The following PDIA2 variants were observed in gnomAD, a reference collection of about 807,000 sequenced individuals.
PDIA2 encodes the protein protein disulfide isomerase family A member 2, also known as protein disulfide-isomerase A2.
In PDIA2, 76 loss-of-function variants were observed where a neutral mutation model predicts 51.1. The ratio of observed to expected loss-of-function variants is 1.49; its 90% CI spans 1.24 to 1.80. The LOEUF (loss-of-function observed/expected upper bound fraction) is 1.80, where lower values mean the gene tolerates loss of function less well. Among genes scored for constraint, PDIA2 ranks in the 40% most tolerant of loss-of-function variants. The pLI, the probability that PDIA2 is intolerant of heterozygous loss-of-function variation, is 0.00. For synonymous variants in PDIA2, 429 were observed against 309.9 expected (o/e 1.38, Z -4.04); for missense variants, 946 against 706.5 (o/e 1.34, Z -3.84).
rs199805826 is a variant in PDIA2, at chr16:283,338, C to T, written c.169C>T (p.Arg57Trp). Residue 57 changes from arginine (R) to tryptophan (W), a missense_variant, in exon 1 of 11, where the codon CGG (arginine) becomes TGG (tryptophan). Physicochemically the swap from Arg to Trp is moderately radical, Grantham distance 101. Transcript: ENST00000219406. ...CCGCCACACCCTGGGCCTGGCCCTG[C>T]GGGAGCACCCTGCCCTGCTGGTGGA... ...LSRHTLGLAL[R>W]EHPALLVEFY... is the part of the protein sequence containing the mutation. 4.8e-5 allele frequency: 77 copies of T among 1,606,924 alleles called. No individual in the cohort carries two copies. Among genetic ancestry groups the T allele is most frequent in the East Asian group, 2.7e-4 (12 of 44,592 alleles).
rs552155391 is a variant in PDIA2, at chr16:283,498, C to G, written c.199+130C>G. ...GCCTCCCCGCAGGCACTTGCCCCCA[C>G]TGTGCCCAGGAGCTCTCTAGGAGGG... On this transcript the variant is annotated intron_variant, in intron 1 of 10. Coordinates refer to ENST00000219406, the MANE Select transcript of PDIA2 (RefSeq NM_006849.4). The G allele has an allele frequency of 6.9e-6, 7 of 1,019,926 alleles. No homozygotes were observed. In the African/African-American group the frequency reaches 9.9e-5, roughly 14 times the overall value. The allele number at this position is 1,019,926 out of a possible 1,614,324, so 63.2% of individuals were successfully genotyped here. A position where few individuals can be genotyped will look rare whatever the true frequency, so the allele number is the denominator to read the frequency against.
intron 8 of PDIA2, 32 bp from the exon 9 acceptor site, chr16:286,522 C>G (rs1204673849): frequency 8.1e-6 from 13 of 1,612,310 alleles, no homozygotes; most frequent in Non-Finnish European, 1.1e-5. Flanking sequence ...AGGGGCTGCC[C>G]AGATGGCTGT....
rs2052387025 is a variant in PDIA2, at chr16:286,713, TC to T, written c.1403del (p.Pro468GlnfsTer8). The stretch of plus-strand genomic sequence containing the variant: ...CACGGCTTCCCTACTCTCAAGTACT[TC>T]CCAGCAGGGCCAGGTCGGAAGGTAT... Reference protein sequence around the residue: ...AVHGFPTLKYFPAGPGRKVIE... With the variant: ...AVHGFPTLKYXPAGPGRKVIE... On this transcript the variant is annotated frameshift_variant, in exon 9 of 11. Transcript: ENST00000219406. LOFTEE classifies it high-confidence loss of function. 4 of 1,612,800 alleles carry T rather than the reference TC, an allele frequency of 2.5e-6. No individual in the cohort carries two copies. The highest frequency in any genetic ancestry group is 3.4e-6 in the Non-Finnish European group (4 of 1,179,966).
At position 285,129 on chromosome 16, in the gene PDIA2, C is replaced by G. The variant is rs2052336916; in HGVS notation, c.724C>G (p.Leu242Val). ...CTTCCCCGTGGACGAGGAGCTTGGC[C>G]TGGACCTGGGGGATCTGTCGCGCTT... ...ADFPVDEELG[L>V]DLGDLSRFLV... Residue 242 changes from leucine (L) to valine (V), a missense_variant, in exon 5 of 11, where the codon CTG becomes GTG. Transcript: ENST00000219406. 6.2e-7 allele frequency: 1 copy of G among 1,612,838 alleles called. No individual in the cohort carries two copies. The highest frequency in any genetic ancestry group is 1.3e-5 in the African/African-American group (1 of 75,036).
intron 1 of PDIA2, 74 bp from the exon 2 acceptor site, chr16:284,313 G>C (rs1366623544): frequency 7.1e-7 from 1 of 1,406,306 alleles, no homozygotes; most frequent in African/African-American, 1.4e-5. Context: ...CTTGTTCCCT[G>C]CTGGGTTGTC....
chr16:285,405 T>C lies in PDIA2; in HGVS notation c.889T>C (p.Phe297Leu). The C allele has an allele frequency of 6.2e-7, 1 of 1,611,908 alleles. No individual in the cohort carries two copies. Among genetic ancestry groups the C allele is most frequent in the Non-Finnish European group, 8.5e-7 (1 of 1,179,604 alleles). Residue 297 changes from phenylalanine (F) to leucine (L), a missense_variant, in exon 6 of 11, where the codon TTT becomes CTT. Transcript: ENST00000219406. ...TGCGCACCGGGAGCTCCTAGCGGGC[T>C]TTGGGGAGGCAGCTCCCCGCTTCCG... ...LAAHRELLAG[F>L]GEAAPRFRGQ...
chr16:285,542 G>A lies in PDIA2; in HGVS notation c.958G>A (p.Glu320Lys). The change falls in exon 7 of 11, where the codon GAG becomes AAG. Residue 320 changes from glutamate (E) to lysine (K), a missense_variant. Coordinates refer to ENST00000219406, the MANE Select transcript of PDIA2 (RefSeq NM_006849.4). ...GGTGGTGGACGTGGCGGCCGACAATGAGCACGTGCTGCAGTACTTTGGACT... is the reference window on the plus strand; with the variant it reads ...GGTGGTGGACGTGGCGGCCGACAATAAGCACGTGCTGCAGTACTTTGGACT... ...FVVVDVAADN[E>K]HVLQYFGLKA... 1 of 1,613,016 alleles carries A rather than the reference G, an allele frequency of 6.2e-7. No individual in the cohort carries two copies. The highest frequency in any genetic ancestry group is 8.5e-7 in the Non-Finnish European group (1 of 1,179,948).
rs749811763 is a variant in PDIA2, at chr16:287,148, C to T, written c.*35C>T. ...TGTCACCCCCGCCATCACTGCTGGA[C>T]AGGAGCCACCCCCTTGGGTACCAGA... On this transcript the variant is annotated 3_prime_UTR_variant, in exon 11 of 11. Transcript: ENST00000219406. 8.7e-6 allele frequency: 14 copies of T among 1,611,530 alleles called. No homozygotes were observed. Among genetic ancestry groups the T allele is most frequent in the Admixed American group, 5.0e-5 (3 of 59,960 alleles).
chr16:286,814 G>A (rs1313923798), intron 9 of PDIA2, 21 bp from the exon 10 acceptor site: 1 of 1,611,274 alleles, frequency 6.2e-7, no homozygotes, highest in Non-Finnish European at 8.5e-7. Context: ...GTGTCCTCCA[G>A]ATCCCCCTGC....
rs746140719 is a variant in PDIA2 at position 285,637 on chromosome 16, T to TG, written c.1058dup (p.Val355CysfsTer30). ...CCACTAAGAAGTATGCGCCTGTGGA[T>TG]GGGGGCCCTGTCACCGCAGCGTCCA... On this transcript the variant is annotated frameshift_variant, in exon 7 of 11. Coordinates refer to ENST00000219406, the MANE Select transcript of PDIA2 (RefSeq NM_006849.4). LOFTEE classifies it high-confidence loss of function. 2.5e-6 allele frequency: 4 copies of TG among 1,613,166 alleles called. No individual in the cohort carries two copies. Among genetic ancestry groups the TG allele is most frequent in the Admixed American group, 1.7e-5 (1 of 59,982 alleles).
intron 1 of PDIA2, 77 bp from the exon 2 acceptor site, chr16:284,310 C>T (rs1305492522): frequency 7.2e-7 from 1 of 1,392,326 alleles, no homozygotes; most frequent in Non-Finnish European, 9.8e-7. Context: ...ACGCTTGTTC[C>T]CTGCTGGGTT....
Position 283,448 on chromosome 16 carries a change from A to G in PDIA2, c.199+80A>G. The G allele has an allele frequency of 2.8e-6, 4 of 1,405,018 alleles. No homozygotes were observed. In the South Asian group the frequency reaches 5.8e-5, roughly 20 times the overall value. The allele number at this position is 1,405,018 out of a possible 1,614,324, so 87.0% of individuals were successfully genotyped here. A position where few individuals can be genotyped will look rare whatever the true frequency, so the allele number is the denominator to read the frequency against. ...CTGGGGGCCCCACCCTTTGCCGGCA[A>G]ATGCAGGGCATGTGCCCAAGAGGGG... is the stretch of plus-strand genomic sequence containing the variant. On this transcript the variant is annotated intron_variant, in intron 1 of 10. Transcript: ENST00000219406.
In PDIA2 at chr16:285,346, A is replaced by G. The variant is rs1280315747; in HGVS notation, c.830A>G (p.Asn277Ser). 1 of 1,611,240 alleles carries G rather than the reference A, an allele frequency of 6.2e-7. No individual in the cohort carries two copies. The highest frequency in any genetic ancestry group is 8.5e-7 in the Non-Finnish European group (1 of 1,179,370). Residue 277 changes from asparagine to serine, a missense_variant, in exon 6 of 11, where the codon AAC becomes AGC. Asn to Ser is a conservative substitution (Grantham distance 46, BLOSUM62 1). Transcript: ENST00000219406. ...AAGATCTTCGCGGCCAGGATCCTCA[A>G]CCACCTGCTGCTGTTTGTCAACCAG... Reference protein sequence around the residue: ...SAKIFAARILNHLLLFVNQTL... With the variant: ...SAKIFAARILSHLLLFVNQTL...
Position 283,219 on chromosome 16 carries a change from C to G in PDIA2, c.50C>G (p.Ser17Trp), listed in dbSNP as rs762917912. The G allele has an allele frequency of 6.2e-7, 1 of 1,607,608 alleles. No individual in the cohort carries two copies. The highest frequency in any genetic ancestry group is 1.3e-5 in the African/African-American group (1 of 74,782). The change falls in exon 1 of 11, where the codon TCG becomes TGG. Residue 17 changes from serine (S) to tryptophan (W), a missense_variant. Transcript: ENST00000219406. ...PVLLLLLLRA[S>W]CPWGQEQGAR... ...CTGCTGCTGCTGCTGCTCAGGGCTT[C>G]GTGCCCATGGGGTCAGGAACAGGGA...
Position 285,588 on chromosome 16 carries a change from C to T in PDIA2, c.1004C>T (p.Thr335Ile), listed in dbSNP as rs1434318867. Reference sequence around the variant, plus strand: ...GGACTCAAGGCTGAGGCAGCCCCCACTCTGCGCTTGGTCAACCTTGAAACC... The same window carrying T: ...GGACTCAAGGCTGAGGCAGCCCCCATTCTGCGCTTGGTCAACCTTGAAACC... The part of the protein sequence containing the change: ...YFGLKAEAAP[T>I]LRLVNLETTK... The change falls in exon 7 of 11, where the codon ACT becomes ATT. Residue 335 changes from threonine to isoleucine, a missense_variant. Coordinates refer to ENST00000219406, the MANE Select transcript of PDIA2 (RefSeq NM_006849.4). The T allele has an allele frequency of 1.2e-6, 2 of 1,613,280 alleles. No homozygotes were observed. The highest frequency in any genetic ancestry group is 2.2e-5 in the East Asian group (1 of 44,882).
intron 5 of PDIA2, 52 bp downstream of exon 5, chr16:285,252 A>G: frequency 6.2e-7 from 1 of 1,612,168 alleles, no homozygotes; most frequent in South Asian, 1.1e-5. Context: ...AGAGTCGTCC[A>G]GGGATGGGGG....
At position 286,815 on chromosome 16, in the gene PDIA2, A is replaced by AT. The variant is rs1210508913; in HGVS notation, c.1423-19dup. 1.4e-5 allele frequency: 23 copies of AT among 1,611,240 alleles called. No homozygotes were observed. Among genetic ancestry groups the AT allele is most frequent in the Non-Finnish European group, 2.0e-5 (23 of 1,179,250 alleles). ...GGGCTGGGCCCCACGTGTCCTCCAG[A>AT]TCCCCCTGCCTCTTCTCAGGTGATT... is the stretch of plus-strand genomic sequence containing the variant. On this transcript the variant is annotated intron_variant, in intron 9 of 10. Transcript: ENST00000219406.
Position 283,191 on chromosome 16 carries a change from GTAC to G in PDIA2, c.24_26del (p.Leu14del). 6.3e-7 allele frequency: 1 copy of G among 1,591,582 alleles called. No individual in the cohort carries two copies. Among genetic ancestry groups the G allele is most frequent in the Non-Finnish European group, 8.6e-7 (1 of 1,169,184 alleles). On this transcript the variant is annotated inframe_deletion, in exon 1 of 11. Coordinates refer to ENST00000219406, the MANE Select transcript of PDIA2 (RefSeq NM_006849.4). The stretch of plus-strand genomic sequence containing the variant: ...CACCATGAGCCGCCAGCTTCTGCCT[GTAC>G]TGCTGCTGCTGCTGCTCAGGGCTTC...
rs1379486227 is a variant in PDIA2, at chr16:284,519, A to C, written c.332A>C (p.Glu111Ala). Reference sequence around the variant, plus strand: ...CCCGCGCAGCGCGAGCTGGCTGAGGAGTTTGGTGTGACGGAGTACCCTACG... The same window carrying C: ...CCCGCGCAGCGCGAGCTGGCTGAGGCGTTTGGTGTGACGGAGTACCCTACG... Reference protein sequence around the residue: ...DGPAQRELAEEFGVTEYPTLK... With the variant: ...DGPAQRELAEAFGVTEYPTLK... Residue 111 changes from glutamate to alanine, a missense_variant, in exon 2 of 11, where the codon GAG becomes GCG. Transcript: ENST00000219406. The C allele has an allele frequency of 6.2e-7, 1 of 1,612,190 alleles. No individual in the cohort carries two copies. Among genetic ancestry groups the C allele is most frequent in the Non-Finnish European group, 8.5e-7 (1 of 1,179,618 alleles).
Sources: allele counts gnomAD v4.1 joint callset, GRCh38; gene constraint gnomAD v4.1.1; transcripts MANE v1.5; gene names NCBI Gene and HGNC (gene_info 2026-07-23, HGNC 2026-07-21).